Variants in PPP1R13B observed in about 807,000 individuals in gnomAD.
PPP1R13B encodes the protein protein phosphatase 1 regulatory subunit 13B.
In PPP1R13B, 44 loss-of-function variants were observed where a neutral mutation model predicts 119.8. That is an observed-to-expected ratio of 0.37 (90% CI 0.29 to 0.47). The LOEUF (loss-of-function observed/expected upper bound fraction) is 0.47. Ranked by LOEUF, PPP1R13B falls within the 20% of genes least tolerant of loss-of-function variation. The pLI, the probability that PPP1R13B is intolerant of heterozygous loss-of-function variation, is 0.99. For missense variants in PPP1R13B, 1,227 were observed against 1,413.5 expected, an observed-to-expected ratio of 0.87 and a Z score of 2.12; for synonymous variants, 542 against 561.5, an observed-to-expected ratio of 0.97 and a Z score of 0.49.
intron 4 of PPP1R13B, among the ~76,000 whole-genome samples, chr14:103,771,117 T>C (rs968617037): frequency 6.6e-6 from 1 of 151,994 alleles, no homozygotes; most frequent in Admixed American, 6.6e-5. Flanking sequence ...TATCACTGAG[T>C]GGAAGGAGAG....
intron 1 of PPP1R13B, among the ~76,000 whole-genome samples, chr14:103,807,588 G>A (rs535598885): frequency 2.0e-5 from 3 of 152,024 alleles, no homozygotes; most frequent in East Asian, 1.9e-4. Flanking sequence ...TCTGCCTTCC[G>A]GGTTCACGCC....
At chr14:103,737,919 C>T in intron 14 of PPP1R13B, 59 bp from the exon 15 acceptor site, 1 of 1,526,038 alleles carries the variant, frequency 6.6e-7, no homozygotes, top group Non-Finnish European at 8.8e-7. Flanking sequence ...TAGGACGTGG[C>T]CCTCAGAGAT....
intron 4 of PPP1R13B, among the ~76,000 whole-genome samples, chr14:103,777,495 A>G (rs573969999): frequency 6.6e-5 from 10 of 152,224 alleles, no homozygotes; most frequent in Admixed American, 3.9e-4. Flanking sequence ...CTTAGTCTAC[A>G]AGCTAAGCCC....
At chr14:103,819,689 G>C (rs2086362246) in intron 1 of PPP1R13B, among the ~76,000 whole-genome samples, 1 of 152,026 alleles carries the variant, frequency 6.6e-6, no homozygotes, top group Non-Finnish European at 1.5e-5. Context: ...GTGAGAAAGA[G>C]GTCATGCCCT....
intron 2 of PPP1R13B, among the ~76,000 whole-genome samples, chr14:103,796,061 G>GC (rs1248799578): frequency 6.6e-6 from 1 of 152,146 alleles, no homozygotes; most frequent in Non-Finnish European, 1.5e-5. Flanking sequence ...GGAGGCCCAG[G>GC]CAGGTGGATC....
Position 103,734,697 on chromosome 14 carries a change from G to GGAAGT in PPP1R13B, c.*452_*456dup, listed in dbSNP as rs1466836430. ...ATGAAGGGAAGAAGGATCATGTGTG[G>GGAAGT]GAAGTGTGAGAAAGGATGAGTGTCC... On this transcript the variant is annotated 3_prime_UTR_variant, in exon 17 of 17. Coordinates refer to ENST00000202556, the MANE Select transcript of PPP1R13B (RefSeq NM_015316.3). The GGAAGT allele has an allele frequency of 1.5e-5, 7 of 457,696 alleles. No homozygotes were observed. Among genetic ancestry groups the GGAAGT allele is most frequent in the Non-Finnish European group, 2.6e-5 (6 of 227,668 alleles). The allele number at this position is 457,696 out of a possible 1,614,324, so 28.4% of individuals were successfully genotyped here. A position where few individuals can be genotyped will look rare whatever the true frequency, so the allele number is the denominator to read the frequency against.
chr14:103,825,747 T>C (rs752153065), intron 1 of PPP1R13B, among the ~76,000 whole-genome samples: 1 of 152,044 alleles, frequency 6.6e-6, no homozygotes, highest in Admixed American at 6.6e-5. Flanking sequence ...CAACAAGTAA[T>C]GACAGAAAAG....
In PPP1R13B at chr14:103,735,970, G is replaced by A. The variant is rs199527860; in HGVS notation, c.3231+33C>T. On this transcript the variant is annotated intron_variant, in intron 16 of 16. Coordinates refer to ENST00000202556, the MANE Select transcript of PPP1R13B (RefSeq NM_015316.3). ...CGCATGCTGTACAGAGACACGGGCA[G>A]CTAGTTTCCCAGTAAGTAACCTGAG... The A allele has an allele frequency of 4.7e-5, 75 of 1,610,786 alleles. No individual in the cohort carries two copies. In the Admixed American group the frequency reaches 1.2e-3, roughly 26 times the overall value.
At chr14:103,834,026 A>C (rs2086717776) in intron 1 of PPP1R13B, among the ~76,000 whole-genome samples, 1 of 152,200 alleles carries the variant, frequency 6.6e-6, no homozygotes, top group Non-Finnish European at 1.5e-5. Context: ...AAAGAAAACA[A>C]AACTCTGCTT....
At chr14:103,822,685 C>G (rs1283874092) in intron 1 of PPP1R13B, among the ~76,000 whole-genome samples, 1 of 151,918 alleles carries the variant, frequency 6.6e-6, no homozygotes, top group Non-Finnish European at 1.5e-5. Flanking sequence ...TGGTGGCGCA[C>G]GCCTGTAATC....
chr14:103,848,402 T>G (rs1335410335), upstream of PPP1R13B: 1 of 985,182 alleles, frequency 1.0e-6, no homozygotes, highest in African/African-American at 1.7e-5. Flanking sequence ...AGCGCCGGAG[T>G]GACAGAGCCC....
Position 103,740,492 on chromosome 14 carries a change from A to C in PPP1R13B, c.1924T>G (p.Ser642Ala). ...STGTPQPQPPSESTEKEPEQD... is the reference protein window; with the variant it reads ...STGTPQPQPPAESTEKEPEQD... ...TCAGGCTCTTTCTCAGTACTTTCTGAAGGTGGCTGAGGCTGTGGTGTGCCC... is the reference window on the plus strand; with the variant it reads ...TCAGGCTCTTTCTCAGTACTTTCTGCAGGTGGCTGAGGCTGTGGTGTGCCC... The change falls in exon 12 of 17, where the codon TCA becomes GCA. Residue 642 changes from serine to alanine, a missense_variant. Transcript: ENST00000202556. This position sits in a 1 kb window ranked among gnomAD's most constrained non-coding sequence, Gnocchi z 4.6. The C allele has an allele frequency of 6.2e-7, 1 of 1,608,504 alleles. No homozygotes were observed. Among genetic ancestry groups the C allele is most frequent in the Middle Eastern group, 1.7e-4 (1 of 6,044 alleles).
intron 4 of PPP1R13B, among the ~76,000 whole-genome samples, chr14:103,759,011 T>G (rs1243994444): frequency 1.3e-5 from 2 of 150,774 alleles, no homozygotes; most frequent in African/African-American, 4.9e-5. Flanking sequence ...CAGGCTGGAG[T>G]GCAGTGGTGT....
intron 2 of PPP1R13B, among the ~76,000 whole-genome samples, chr14:103,788,770 T>C (rs377346805): frequency 5.9e-5 from 9 of 152,170 alleles, no homozygotes; most frequent in East Asian, 5.8e-4. Context: ...CTTCATGAGA[T>C]ATTGTAACTG....
chr14:103,733,243 A>G lies in PPP1R13B; in HGVS notation c.*1911T>C. ...CATGTTTTAGAATTTGTGTATTGTCAATACTTAATTGGGGGTGGGAGAGAC... is the reference window on the plus strand; with the variant it reads ...CATGTTTTAGAATTTGTGTATTGTCGATACTTAATTGGGGGTGGGAGAGAC... On this transcript the variant is annotated 3_prime_UTR_variant, in exon 17 of 17. Coordinates refer to ENST00000202556, the MANE Select transcript of PPP1R13B (RefSeq NM_015316.3). 1 of 575,648 alleles carries G rather than the reference A, an allele frequency of 1.7e-6. No individual in the cohort carries two copies. Among genetic ancestry groups the G allele is most frequent in the Non-Finnish European group, 3.0e-6 (1 of 329,854 alleles). 35.7% of individuals were successfully genotyped at this position (575,648 alleles called of 1,614,324 possible). A position where few individuals can be genotyped will look rare whatever the true frequency, so the allele number is the denominator to read the frequency against.
rs1035330343 is a variant in PPP1R13B at position 103,847,458 on chromosome 14, C to T, written c.-151G>A. The T allele has an allele frequency of 4.0e-6, 4 of 996,578 alleles. No homozygotes were observed. Among genetic ancestry groups the T allele is most frequent in the Non-Finnish European group, 4.8e-6 (4 of 838,636 alleles). The allele number at this position is 996,578 out of a possible 1,614,324, so 61.7% of individuals were successfully genotyped here. A position where few individuals can be genotyped will look rare whatever the true frequency, so the allele number is the denominator to read the frequency against. ...GCGAGGCGGCAGCTGCGGCGGGCTG[C>T]GGGGCTCTCGCTGGCCCTGTCGCGG... On this transcript the variant is annotated 5_prime_UTR_variant, in exon 1 of 17. Coordinates refer to ENST00000202556, the MANE Select transcript of PPP1R13B (RefSeq NM_015316.3).
intron 4 of PPP1R13B, among the ~76,000 whole-genome samples, chr14:103,763,492 A>C (rs999654888): frequency 6.6e-6 from 1 of 151,934 alleles, no homozygotes; most frequent in African/African-American, 2.4e-5. Context: ...TTCATTTATT[A>C]AGTTGAATAG....
At chr14:103,847,614 G>C, upstream of PPP1R13B, 1 of 985,976 alleles carries the variant, frequency 1.0e-6, no homozygotes, top group Middle Eastern at 5.2e-4. Context: ...GCCCCCGCAG[G>C]CCCCGCCCCC....
chr14:103,828,260 T>C (rs1595832648), intron 1 of PPP1R13B, among the ~76,000 whole-genome samples: 1 of 151,656 alleles, frequency 6.6e-6, no homozygotes, highest in East Asian at 1.9e-4. Flanking sequence ...TCCGAGCTAC[T>C]TGAGAGGCAG....
Sources: allele counts gnomAD v4.1 joint callset (sites outside exome capture counted in the v4.1 genomes callset), GRCh38; gene constraint gnomAD v4.1.1; non-coding constraint Gnocchi (gnomAD v3.1); transcripts MANE v1.5; gene names NCBI Gene and HGNC (gene_info 2026-07-23, HGNC 2026-07-21).